The following TFCP2L1 variants were observed in gnomAD, a reference collection of about 807,000 sequenced individuals.
TFCP2L1 encodes transcription factor CP2 like 1, also known as transcription factor CP2-like protein 1.
Under a neutral mutation model 72.2 loss-of-function variants are expected in TFCP2L1, and 12 were observed. That is an observed-to-expected ratio of 0.17 (90% CI 0.11 to 0.27). The LOEUF is 0.27. TFCP2L1 is among the 10% of genes least tolerant of loss of function. The pLI, the probability that TFCP2L1 is intolerant of heterozygous loss-of-function variation, is 1.00. For missense variants in TFCP2L1, 488 were observed against 624.6 expected (o/e 0.78, Z 2.33); for synonymous variants, 260 against 251.0 (o/e 1.04, Z -0.34).
intron 5 of TFCP2L1, 36 bp downstream of exon 5, chr2:121,248,128 G>A (rs777997348): frequency 1.9e-6 from 3 of 1,593,732 alleles, no homozygotes; most frequent in African/African-American, 1.3e-5. Context: ...CCAAAGACTA[G>A]GTCTTCCCCT....
At chr2:121,234,578 G>A (rs1686206337) in intron 11 of TFCP2L1, among the ~76,000 whole-genome samples, 1 of 152,202 alleles carries the variant, frequency 6.6e-6, no homozygotes, top group Non-Finnish European at 1.5e-5. Context: ...AGGGCAAAGG[G>A]CTTTCCCTTC....
At chr2:121,234,008 A>G (rs1196596811) in intron 12 of TFCP2L1, 83 bp downstream of exon 12, 3 of 1,258,868 alleles carry the variant, frequency 2.4e-6, no homozygotes, top group Non-Finnish European at 3.5e-6. Flanking sequence ...TTCACTGGAA[A>G]TGAACAGAGG....
intron 11 of TFCP2L1, 104 bp downstream of exon 11, chr2:121,235,117 C>T: frequency 7.8e-7 from 1 of 1,275,194 alleles, no homozygotes; most frequent in Non-Finnish European, 1.1e-6. Flanking sequence ...GTCCTGTCCC[C>T]CCAGCCAGAC....
intron 2 of TFCP2L1, among the ~76,000 whole-genome samples, chr2:121,265,213 G>A (rs1034821787): frequency 5.9e-5 from 9 of 152,114 alleles, no homozygotes; most frequent in Non-Finnish European, 1.2e-4. Context: ...GAAAAATGCC[G>A]CCACAAAAGA....
Position 121,242,682 on chromosome 2 carries a change from G to A in TFCP2L1, c.658-213C>T, listed in dbSNP as rs1686402102. 2.0e-5 allele frequency among the ~76,000 whole-genome samples: 3 copies of A among 152,264 alleles called. No individual in the cohort carries two copies. In the South Asian group the frequency reaches 6.2e-4, roughly 32 times the overall value. ...GGGTCATGCACTCTGCTGCTCAAGG[G>A]GAAAAGATTGTTTCCCATGGCCACT... On this transcript the variant is annotated intron_variant, in intron 6 of 14. Transcript: ENST00000263707.
intron 10 of TFCP2L1, among the ~76,000 whole-genome samples, chr2:121,236,031 T>C (rs1262724694): frequency 6.6e-6 from 1 of 152,194 alleles, no homozygotes; most frequent in Non-Finnish European, 1.5e-5. Flanking sequence ...CTCTTCCTGG[T>C]CTGGCTTCCC....
At chr2:121,242,499 C>T (rs368717711) in intron 6 of TFCP2L1, 30 bp from the exon 7 acceptor site, 1 of 1,606,314 alleles carries the variant, frequency 6.2e-7, no homozygotes, top group East Asian at 2.2e-5. Context: ...TCCAATCAGC[C>T]CAAAACCAAC....
chr2:121,240,014 A>T (rs1686334993), intron 7 of TFCP2L1: 1 of 982,722 alleles, frequency 1.0e-6, no homozygotes, highest in Non-Finnish European at 1.2e-6. Context: ...GGGAGAGACA[A>T]ATTCGTGTAA....
At chr2:121,280,717 T>C (rs1687238140) in intron 2 of TFCP2L1, among the ~76,000 whole-genome samples, 1 of 138,068 alleles carries the variant, frequency 7.2e-6, no homozygotes, top group Non-Finnish European at 1.5e-5. Context: ...TGAGCCATGA[T>C]CATGCCACTG....
At chr2:121,242,274 G>T in intron 7 of TFCP2L1, 85 bp downstream of exon 7, 1 of 1,200,602 alleles carries the variant, frequency 8.3e-7, no homozygotes, top group Admixed American at 1.7e-5. Flanking sequence ...ACCCGAGATG[G>T]GCGATTTTCC....
intron 6 of TFCP2L1, among the ~76,000 whole-genome samples, chr2:121,243,831 C>A (rs879272402): frequency 6.6e-6 from 1 of 151,964 alleles, no homozygotes; most frequent in East Asian, 1.9e-4. Flanking sequence ...TTATATATTA[C>A]GATATAATAA....
chr2:121,255,901 C>T (rs752288782), intron 2 of TFCP2L1, among the ~76,000 whole-genome samples: 9 of 152,232 alleles, frequency 5.9e-5, no homozygotes, highest in South Asian at 2.1e-4. Context: ...CGCCACCTCG[C>T]CCGGCTAATT....
At chr2:121,242,506 C>A in intron 6 of TFCP2L1, 37 bp from the exon 7 acceptor site, 1 of 1,598,728 alleles carries the variant, frequency 6.3e-7, no homozygotes, top group Non-Finnish European at 8.6e-7. Context: ...AGCCCAAAAC[C>A]AACACAGGCA....
Position 121,285,038 on chromosome 2 carries a change from C to A in TFCP2L1, c.62+10G>T. 1 of 1,492,824 alleles carries A rather than the reference C, an allele frequency of 6.7e-7. No homozygotes were observed. Among genetic ancestry groups the A allele is most frequent in the Non-Finnish European group, 8.9e-7 (1 of 1,120,924 alleles). 92.5% of individuals were successfully genotyped at this position (1,492,824 alleles called of 1,614,324 possible). On this transcript the variant is annotated intron_variant, in intron 1 of 14. Transcript: ENST00000263707. ...GCCCGAGACCCGCGGGGACCGCGCG[C>A]GGCCCTTACCGCAGGTAGCTGCCGG...
chr2:121,228,764 G>A (rs1178953249), intron 13 of TFCP2L1, among the ~76,000 whole-genome samples: 8 of 90,082 alleles, frequency 8.9e-5, no homozygotes, highest in Non-Finnish European at 1.4e-4. Context: ...GAGTGAAACC[G>A]TGACTCACAA....
chr2:121,246,977 G>A lies in TFCP2L1; in HGVS notation c.505-7C>T, dbSNP rs1285011853. ...CTGTGCTGATGCAGTGTACCTGGGA[G>A]GAGAAACGTTGGGCAGGTGGCAAGG... On this transcript the variant is annotated splice_polypyrimidine_tract_variant and splice_region_variant and intron_variant, in intron 5 of 14. Transcript: ENST00000263707. 2 of 1,614,066 alleles carry A rather than the reference G, an allele frequency of 1.2e-6. No individual in the cohort carries two copies. Among genetic ancestry groups the A allele is most frequent in the East Asian group, 2.2e-5 (1 of 44,882 alleles).
At chr2:121,280,796 AGAAG>A (rs1368655737) in intron 2 of TFCP2L1, among the ~76,000 whole-genome samples, 2 of 136,532 alleles carry the variant, frequency 1.5e-5, no homozygotes, top group Non-Finnish European at 3.2e-5. Context: ...AAAGAAAGAA[AGAAG>A]GAAGGGAGGG....
chr2:121,237,422 G>A (rs1686272879), intron 10 of TFCP2L1, among the ~76,000 whole-genome samples: 1 of 152,162 alleles, frequency 6.6e-6, no homozygotes, highest in African/African-American at 2.4e-5. Context: ...ACACTCACTT[G>A]GGACCTTCTG....
At chr2:121,253,876 C>T (rs1367589476) in intron 2 of TFCP2L1, among the ~76,000 whole-genome samples, 1 of 152,198 alleles carries the variant, frequency 6.6e-6, no homozygotes, top group East Asian at 1.9e-4. Context: ...CCACCCTCTG[C>T]ATGCCTACCC....
Sources: allele counts gnomAD v4.1 joint callset (sites outside exome capture counted in the v4.1 genomes callset), GRCh38; gene constraint gnomAD v4.1.1; transcripts MANE v1.5; gene names NCBI Gene and HGNC (gene_info 2026-07-23, HGNC 2026-07-21).